Variants in NUP93 observed in about 807,000 individuals in gnomAD.
NUP93 encodes nucleoporin 93, also known as nuclear pore complex protein Nup93.
A neutral mutation model predicts 107.8 loss-of-function variants in NUP93; 55 were observed. That is an observed-to-expected ratio of 0.51 (90% CI 0.41 to 0.64). The LOEUF is 0.64. Ranked by LOEUF, NUP93 falls within the 30% of genes least tolerant of loss-of-function variation. The pLI is 0.00. For synonymous variants in NUP93, 390 were observed against 397.5 expected, an observed-to-expected ratio of 0.98 and a Z score of 0.22; for missense variants, 937 against 1,044.7, an observed-to-expected ratio of 0.90 and a Z score of 1.42.
chr16:56,796,970 CA>C (rs1423853181), intron 3 of NUP93, among the ~76,000 whole-genome samples: 16 of 140,810 alleles, frequency 1.1e-4, no homozygotes, highest in African/African-American at 7.9e-5. Context: ...GACTCCATCT[CA>C]AAAAAAAAAG....
chr16:56,738,275 C>T (rs1961644548), intron 1 of NUP93, among the ~76,000 whole-genome samples: 2 of 152,200 alleles, frequency 1.3e-5, no homozygotes, highest in Admixed American at 6.5e-5. Context: ...CCAGCTGGGC[C>T]TTCTGCTGGA....
At chr16:56,740,228 A>T (rs2144440478) in intron 1 of NUP93, among the ~76,000 whole-genome samples, 2 of 142,316 alleles carry the variant, frequency 1.4e-5, no homozygotes, top group South Asian at 2.4e-4. Flanking sequence ...CACTTCTCAG[A>T]CGGGGCAGCT....
chr16:56,805,337 C>A, intron 4 of NUP93, 167 bp from the exon 5 acceptor site: 1 of 703,608 alleles, frequency 1.4e-6, no homozygotes, highest in Non-Finnish European at 2.3e-6. Flanking sequence ...TGTAAACCAC[C>A]ACGCTCAGCC....
chr16:56,816,408 G>A (rs1345480909), intron 5 of NUP93, among the ~76,000 whole-genome samples: 1 of 152,204 alleles, frequency 6.6e-6, no homozygotes, highest in African/African-American at 2.4e-5. Flanking sequence ...GGTGTGGAGA[G>A]TGTTGATGTT....
chr16:56,782,928 A>AGT (rs1252402391), intron 3 of NUP93, among the ~76,000 whole-genome samples: 1 of 152,218 alleles, frequency 6.6e-6, no homozygotes, highest in Non-Finnish European at 1.5e-5. Context: ...AGATCATAGG[A>AGT]GTCCTTTAAG....
chr16:56,828,673 T>G (rs1963718766), intron 8 of NUP93, among the ~76,000 whole-genome samples: 1 of 152,226 alleles, frequency 6.6e-6, no homozygotes, highest in Non-Finnish European at 1.5e-5. Context: ...ACCAGAACAT[T>G]AGGCTGTGAG....
intron 5 of NUP93, among the ~76,000 whole-genome samples, chr16:56,807,579 G>T (rs1226027337): frequency 2.0e-5 from 3 of 152,118 alleles, no homozygotes; most frequent in Admixed American, 6.5e-5. Context: ...AGCTAACTTC[G>T]TACTAACTGA....
At position 56,834,154 on chromosome 16, in the gene NUP93, T is replaced by TG; in HGVS notation, c.1565dup (p.Cys522TrpfsTer19). On this transcript the variant is annotated frameshift_variant, in exon 14 of 22. Transcript: ENST00000308159. LOFTEE classifies it high-confidence loss of function. ...CAGCCACGAGCCTGGTGACCCTCCT[T>TG]GCTTGCGGCGGCTGAACTTCGTGCG... The TG allele has an allele frequency of 6.2e-7, 1 of 1,614,182 alleles. No individual in the cohort carries two copies. Among genetic ancestry groups the TG allele is most frequent in the Non-Finnish European group, 8.5e-7 (1 of 1,180,028 alleles).
chr16:56,789,303 T>G (rs1962700543), intron 3 of NUP93, among the ~76,000 whole-genome samples: 1 of 152,266 alleles, frequency 6.6e-6, no homozygotes, highest in South Asian at 2.1e-4. Context: ...CATTCAATTC[T>G]CTTTAACCTG....
At chr16:56,833,495 A>G in intron 13 of NUP93, 89 bp downstream of exon 13, 5 of 1,066,988 alleles carry the variant, frequency 4.7e-6, no homozygotes, top group Non-Finnish European at 6.5e-6. Flanking sequence ...ACCAATAAGG[A>G]TTTGAGCAAA....
At chr16:56,797,463 G>A (rs1441518247) in intron 3 of NUP93, among the ~76,000 whole-genome samples, 4 of 152,186 alleles carry the variant, frequency 2.6e-5, no homozygotes, top group Admixed American at 2.6e-4. Context: ...CCCCTTGTAT[G>A]AAGAGCAAGG....
At chr16:56,740,327 A>G (rs1961705749) in intron 1 of NUP93, among the ~76,000 whole-genome samples, 1 of 135,980 alleles carries the variant, frequency 7.4e-6, no homozygotes, top group Admixed American at 7.2e-5. Context: ...CCGGGCAGAG[A>G]CGCTCCTCAC....
At chr16:56,734,975 GT>G (rs1468660709) in intron 1 of NUP93, among the ~76,000 whole-genome samples, 4 of 152,154 alleles carry the variant, frequency 2.6e-5, no homozygotes, top group Non-Finnish European at 5.9e-5. Flanking sequence ...CTGTGTACCA[GT>G]TGGTCCCTTT....
chr16:56,835,429 C>T (rs1034453149), intron 16 of NUP93, among the ~76,000 whole-genome samples: 13 of 152,236 alleles, frequency 8.5e-5, no homozygotes, highest in African/African-American at 3.1e-4. Flanking sequence ...ACTGCTCACA[C>T]CATCTACCTC....
chr16:56,754,538 T>G (rs1961982704), intron 2 of NUP93, among the ~76,000 whole-genome samples: 1 of 152,164 alleles, frequency 6.6e-6, no homozygotes, highest in Non-Finnish European at 1.5e-5. Flanking sequence ...ATTGGGCAAA[T>G]GTTCCCATTC....
intron 3 of NUP93, among the ~76,000 whole-genome samples, chr16:56,797,883 A>G (rs1962934942): frequency 6.6e-6 from 1 of 152,198 alleles, no homozygotes; most frequent in Non-Finnish European, 1.5e-5. Flanking sequence ...TTTATATTAA[A>G]CTAGACTTGT....
chr16:56,795,566 T>C (rs1220860984), intron 3 of NUP93, among the ~76,000 whole-genome samples: 1 of 152,206 alleles, frequency 6.6e-6, no homozygotes, highest in African/African-American at 2.4e-5. Context: ...CCGTTATCAG[T>C]ATATGTATTT....
intron 5 of NUP93, among the ~76,000 whole-genome samples, chr16:56,811,074 CATTTTTGTGT>C (rs1165925010): frequency 6.6e-6 from 1 of 152,076 alleles, no homozygotes; most frequent in Non-Finnish European, 1.5e-5. Flanking sequence ...CTATGGTGAG[CATTTTTGTGT>C]GTTTTGGTGA....
intron 9 of NUP93, among the ~76,000 whole-genome samples, 165 bp downstream of exon 9, chr16:56,829,274 A>G (rs1255511730): frequency 6.6e-6 from 1 of 152,232 alleles, no homozygotes; most frequent in South Asian, 2.1e-4. Flanking sequence ...CTGATAGTAC[A>G]GAAGTCCAGG....
Sources: allele counts gnomAD v4.1 joint callset (sites outside exome capture counted in the v4.1 genomes callset), GRCh38; gene constraint gnomAD v4.1.1; transcripts MANE v1.5; gene names NCBI Gene and HGNC (gene_info 2026-07-23, HGNC 2026-07-21).